The following SDK2 variants were observed in gnomAD, a reference collection of about 807,000 sequenced individuals.
The protein encoded by SDK2 is protein sidekick-2.
SDK2 carries 105 observed loss-of-function variants against 253.9 expected under a neutral mutation model. That is an observed-to-expected ratio of 0.41 (90% confidence interval 0.35 to 0.49). The LOEUF (loss-of-function observed/expected upper bound fraction) is 0.49. SDK2 is among the 20% of genes least tolerant of loss of function. The pLI is 0.06. For synonymous variants in SDK2, 1,249 were observed against 1,234.9 expected, an observed-to-expected ratio of 1.01 and a Z score of -0.24; for missense variants, 2,608 against 3,003.0, an observed-to-expected ratio of 0.87 and a Z score of 3.07.
At chr17:73,479,267 A>G (rs2063706738) in intron 2 of SDK2, among the ~76,000 whole-genome samples, 1 of 152,190 alleles carries the variant, frequency 6.6e-6, no homozygotes, top group African/African-American at 2.4e-5. Flanking sequence ...GGGAACCCAG[A>G]TTTCCTTCCC....
At chr17:73,347,984 C>G (rs1356420606) in intron 44 of SDK2, among the ~76,000 whole-genome samples, 2 of 152,216 alleles carry the variant, frequency 1.3e-5, no homozygotes. Context: ...AGCCTAGTAT[C>G]ACCCCTGCCT....
At chr17:73,500,476 C>CTCTG (rs2063881337) in intron 2 of SDK2, among the ~76,000 whole-genome samples, 2 of 150,050 alleles carry the variant, frequency 1.3e-5, no homozygotes, top group East Asian at 2.0e-4. Context: ...TCCATCCTCC[C>CTCTG]TCCATTATCC....
At chr17:73,441,361 C>T (rs2063414365) in intron 5 of SDK2, among the ~76,000 whole-genome samples, 1 of 152,312 alleles carries the variant, frequency 6.6e-6, no homozygotes, top group South Asian at 2.1e-4. Flanking sequence ...CAACACACCT[C>T]CCGCCAATTC....
intron 1 of SDK2, among the ~76,000 whole-genome samples, chr17:73,593,682 T>C (rs969783684): frequency 6.6e-6 from 1 of 152,220 alleles, no homozygotes; most frequent in Non-Finnish European, 1.5e-5. Context: ...GTTTCTGACA[T>C]GCAGTAATCG....
chr17:73,540,788 G>C (rs2044856487), intron 1 of SDK2, among the ~76,000 whole-genome samples: 1 of 152,176 alleles, frequency 6.6e-6, no homozygotes, highest in African/African-American at 2.4e-5. Flanking sequence ...CCAGTGACCT[G>C]TCTTCTGCCT....
chr17:73,556,636 G>T (rs1341738492), intron 1 of SDK2, among the ~76,000 whole-genome samples: 1 of 152,208 alleles, frequency 6.6e-6, no homozygotes, highest in South Asian at 2.1e-4. Context: ...TGCTGTTATT[G>T]TATGGTTGTT....
At position 73,398,109 on chromosome 17, in the gene SDK2, C is replaced by T; in HGVS notation, c.3280G>A (p.Ala1094Thr). 6.2e-7 allele frequency: 1 copy of T among 1,613,728 alleles called. No homozygotes were observed. Among genetic ancestry groups the T allele is most frequent in the Non-Finnish European group, 8.5e-7 (1 of 1,179,862 alleles). The change falls in exon 24 of 45, where the codon GCA (alanine) becomes ACA (threonine). Residue 1094 changes from alanine to threonine, a missense_variant. By Grantham distance (58) the Ala-to-Thr change is moderately conservative. This residue lies in a region of SDK2 where 1,505 missense variants were observed against 1,859.1 expected (regional missense o/e 0.81). Transcript: ENST00000392650. ...TTGGCTGGGGCCATGTCAGGGGGTGCCTGCAGGGTCTGGATCTTTCTAGAA... is the reference window on the plus strand; with the variant it reads ...TTGGCTGGGGCCATGTCAGGGGGTGTCTGCAGGGTCTGGATCTTTCTAGAA... Reference protein sequence around the residue: ...QPSRKIQTLQAPPDMAPANVS... With the variant: ...QPSRKIQTLQTPPDMAPANVS...
intron 12 of SDK2, 64 bp from the exon 13 acceptor site, chr17:73,424,156 C>T: frequency 7.2e-7 from 1 of 1,393,042 alleles, no homozygotes; most frequent in Non-Finnish European, 9.8e-7. Flanking sequence ...TGGGCCTAGC[C>T]TGAAGCTTGT....
At position 73,383,910 on chromosome 17, in the gene SDK2, G is replaced by C. The variant is rs150173502; in HGVS notation, c.4671C>G (p.Ile1557Met). 1.1e-4 allele frequency: 170 copies of C among 1,613,852 alleles called. No homozygotes were observed. Among genetic ancestry groups the C allele is most frequent in the South Asian group, 1.5e-4 (14 of 91,084 alleles). Residue 1557 changes from isoleucine to methionine, a missense_variant, in exon 33 of 45, where the codon ATC becomes ATG. Ile to Met is a conservative substitution (Grantham distance 10). Coordinates refer to ENST00000392650, the MANE Select transcript of SDK2 (RefSeq NM_001144952.2). This position sits in a 1 kb window ranked among gnomAD's most constrained non-coding sequence, Gnocchi z 4.3. ...CAGCCCATGTGGCCCCTGGGTTGTTGATGCCTCGAAGCGTGAAGCCCCTCA... is the reference window on the plus strand; with the variant it reads ...CAGCCCATGTGGCCCCTGGGTTGTTCATGCCTCGAAGCGTGAAGCCCCTCA... ...EGLRGFTLRG[I>M]NNPGATWAEL...
At chr17:73,608,553 C>T (rs572668975) in intron 1 of SDK2, among the ~76,000 whole-genome samples, 1 of 152,278 alleles carries the variant, frequency 6.6e-6, no homozygotes, top group East Asian at 1.9e-4. Flanking sequence ...AGCGATTCTC[C>T]TGCCTCAGCC....
intron 44 of SDK2, 144 bp downstream of exon 44, chr17:73,348,455 A>T (rs943009559): frequency 3.0e-6 from 3 of 989,070 alleles, no homozygotes; most frequent in Non-Finnish European, 4.3e-6. Flanking sequence ...GATGGCCCAT[A>T]TATGACTTCA....
intron 1 of SDK2, among the ~76,000 whole-genome samples, chr17:73,529,582 G>A (rs1437443416): frequency 6.6e-6 from 1 of 152,178 alleles, no homozygotes; most frequent in Non-Finnish European, 1.5e-5. Flanking sequence ...CTGTTAAGAT[G>A]AGGCCATACT....
chr17:73,407,323 C>T (rs12451756), intron 18 of SDK2, among the ~76,000 whole-genome samples: 54,468 of 151,964 alleles, frequency 0.36, 10,974 homozygotes, highest in Non-Finnish European at 0.46. Flanking sequence ...ACTGGGGCCA[C>T]GTCAAGAGGG....
intron 1 of SDK2, among the ~76,000 whole-genome samples, chr17:73,602,795 C>T (rs187627340): frequency 8.5e-5 from 13 of 152,116 alleles, no homozygotes; most frequent in Admixed American, 7.2e-4. Flanking sequence ...GGCGTGATCT[C>T]GGCTCACTGC....
At chr17:73,553,564 A>G (rs151316037) in intron 1 of SDK2, among the ~76,000 whole-genome samples, 1 of 152,282 alleles carries the variant, frequency 6.6e-6, no homozygotes, top group East Asian at 1.9e-4. Context: ...GGATAGCACA[A>G]GGAAGGACAG....
At chr17:73,341,156 C>A (rs1442232898) in intron 44 of SDK2, among the ~76,000 whole-genome samples, 1 of 150,716 alleles carries the variant, frequency 6.6e-6, no homozygotes, top group African/African-American at 2.4e-5. Context: ...GTTGGGATTA[C>A]AGGCATAATT....
At chr17:73,525,183 T>A (rs576521085) in intron 1 of SDK2, among the ~76,000 whole-genome samples, 2 of 152,180 alleles carry the variant, frequency 1.3e-5, no homozygotes, top group East Asian at 3.9e-4. Context: ...ATGGGTCTTG[T>A]CCCCAGCTGT....
At chr17:73,579,789 C>T (rs1269042189) in intron 1 of SDK2, among the ~76,000 whole-genome samples, 3 of 151,986 alleles carry the variant, frequency 2.0e-5, no homozygotes, top group Non-Finnish European at 4.4e-5. Flanking sequence ...CCAGCCTGGC[C>T]AACATGGTGA....
At chr17:73,597,866 C>T (rs554456629) in intron 1 of SDK2, among the ~76,000 whole-genome samples, 11 of 152,136 alleles carry the variant, frequency 7.2e-5, no homozygotes, top group African/African-American at 2.2e-4. Flanking sequence ...AGGATGGTTT[C>T]GATCTCCTGA....
Sources: gnomAD v4.1 joint callset for allele counts (sites outside exome capture counted in the v4.1 genomes callset) on GRCh38, gnomAD v4.1.1 for gene constraint, gnomAD v4.1.1 regional missense constraint, Gnocchi (gnomAD v3.1) non-coding constraint, MANE v1.5 for transcripts, NCBI Gene and HGNC (gene_info 2026-07-23, HGNC 2026-07-21) for gene names.